The following TRIM35 variants were observed in gnomAD, a reference collection of about 807,000 sequenced individuals.
TRIM35 encodes the protein tripartite motif containing 35.
Under a neutral mutation model 49.1 loss-of-function variants are expected in TRIM35, and 37 were observed. The observed-to-expected ratio is 0.75, with a 90% confidence interval of 0.58 to 0.99. TRIM35 has a LOEUF of 0.99. Among genes scored for constraint, TRIM35 ranks in the 50% least tolerant of loss-of-function variants. The pLI is 0.00. For synonymous variants in TRIM35, 302 were observed against 289.3 expected (o/e 1.04, Z -0.45); for missense variants, 648 against 702.7 (o/e 0.92, Z 0.88).
chr8:27,298,765 G>A (rs1802624893), intron 1 of TRIM35, among the ~76,000 whole-genome samples: 1 of 152,230 alleles, frequency 6.6e-6, no homozygotes. Flanking sequence ...ATGGGATAAA[G>A]AGCCCTCAGA....
At chr8:27,295,474 A>G (rs1190327584) in intron 2 of TRIM35, among the ~76,000 whole-genome samples, 1 of 152,228 alleles carries the variant, frequency 6.6e-6, no homozygotes, top group Non-Finnish European at 1.5e-5. Context: ...ACCCATCATA[A>G]GTTGAAAAAT....
chr8:27,303,348 T>C (rs1435273116), intron 1 of TRIM35, among the ~76,000 whole-genome samples: 1 of 152,196 alleles, frequency 6.6e-6, no homozygotes, highest in African/African-American at 2.4e-5. Flanking sequence ...TTCCTTTCCT[T>C]TTTTAAAATT....
chr8:27,306,374 G>A (rs1802786090), intron 1 of TRIM35, among the ~76,000 whole-genome samples: 1 of 144,274 alleles, frequency 6.9e-6, no homozygotes, highest in Non-Finnish European at 1.5e-5. Flanking sequence ...CGTACAGGCT[G>A]GAGGGCAGTG....
At position 27,289,295 on chromosome 8, in the gene TRIM35, TG is replaced by T; in HGVS notation, c.786-16del. 6.2e-7 allele frequency: 1 copy of T among 1,609,136 alleles called. No individual in the cohort carries two copies. The highest frequency in any genetic ancestry group is 8.5e-7 in the Non-Finnish European group (1 of 1,175,738). On this transcript the variant is annotated splice_polypyrimidine_tract_variant and intron_variant, in intron 4 of 5. Transcript: ENST00000305364. The stretch of plus-strand genomic sequence containing the variant: ...TGCAGAAGAGTCTGGAAAAGTACAA[TG>T]GGTATGGTGGGCAGGGCCAGAGCCA...
At chr8:27,294,676 A>AT (rs373275301) in intron 2 of TRIM35, among the ~76,000 whole-genome samples, 23 of 149,858 alleles carry the variant, frequency 1.5e-4, no homozygotes, top group African/African-American at 4.6e-4. Context: ...AATAGCAATG[A>AT]TTTTTTTTTA....
At position 27,310,922 on chromosome 8, in the gene TRIM35, C is replaced by T; in HGVS notation, c.314G>A (p.Arg105His). 1 of 1,612,578 alleles carries T rather than the reference C, an allele frequency of 6.2e-7. No individual in the cohort carries two copies. The highest frequency in any genetic ancestry group is 8.5e-7 in the Non-Finnish European group (1 of 1,179,784). ...YRFSRVCRLH[R>H]GQLSLFCLED... ...GAGGCAGAAGAGGCTGAGCTGTCCG[C>T]GGTGCAGGCGGCAGACACGCGAGAA... is the stretch of plus-strand genomic sequence containing the variant. Residue 105 changes from arginine (R) to histidine (H), a missense_variant, in exon 1 of 6, where the codon CGC (arginine) becomes CAC (histidine). By Grantham distance (29) the Arg-to-His change is conservative. Coordinates refer to ENST00000305364, the MANE Select transcript of TRIM35 (RefSeq NM_171982.5).
chr8:27,305,396 G>A (rs762817738), intron 1 of TRIM35, among the ~76,000 whole-genome samples: 18 of 152,304 alleles, frequency 1.2e-4, no homozygotes, highest in South Asian at 8.3e-4. Flanking sequence ...CAGTGTGCAG[G>A]GTCTAGTGAG....
intron 1 of TRIM35, among the ~76,000 whole-genome samples, chr8:27,305,211 C>T (rs568712117): frequency 6.6e-6 from 1 of 152,256 alleles, no homozygotes; most frequent in Non-Finnish European, 1.5e-5. Context: ...GGTAACCTAA[C>T]TGTCCTGCTG....
chr8:27,306,130 AT>A (rs1172364497), intron 1 of TRIM35, among the ~76,000 whole-genome samples: 2 of 151,754 alleles, frequency 1.3e-5, no homozygotes, highest in African/African-American at 4.8e-5. Flanking sequence ...CATTACTTAG[AT>A]GTAACCACCT....
In TRIM35 at chr8:27,306,484, C is replaced by T. The variant is rs369145950; in HGVS notation, c.435+4317G>A. ...GGGACTACAGGTACCTGCCACCATGCCTGGTTAATTTTTGCATTTTTAGTA... is the reference window on the plus strand; with the variant it reads ...GGGACTACAGGTACCTGCCACCATGTCTGGTTAATTTTTGCATTTTTAGTA... On this transcript the variant is annotated intron_variant, in intron 1 of 5. Transcript: ENST00000305364. 2.3e-4 allele frequency among the ~76,000 whole-genome samples: 35 copies of T among 152,204 alleles called. No homozygotes were observed. The South Asian group carries it at 4.8e-3, about 21-fold the overall frequency.
chr8:27,288,156 A>G lies in TRIM35; in HGVS notation c.905-29T>C, dbSNP rs568210765. On this transcript the variant is annotated intron_variant, in intron 5 of 5. Coordinates refer to ENST00000305364, the MANE Select transcript of TRIM35 (RefSeq NM_171982.5). ...CAAGCAGAGGCGGAAATGGGGAATC[A>G]GCAAACCTGAGGTCCCTTAGGCCAC... 7 of 1,577,416 alleles carry G rather than the reference A, an allele frequency of 4.4e-6. No homozygotes were observed. The East Asian group carries it at 1.1e-4, about 25-fold the overall frequency.
intron 3 of TRIM35, among the ~76,000 whole-genome samples, chr8:27,292,630 A>G (rs1802478101): frequency 6.6e-6 from 1 of 152,240 alleles, no homozygotes; most frequent in African/African-American, 2.4e-5. Flanking sequence ...AGTGGTTGCC[A>G]GGGGCTGCTA....
At chr8:27,288,540 G>T (rs1364966974) in intron 5 of TRIM35, among the ~76,000 whole-genome samples, 1 of 152,144 alleles carries the variant, frequency 6.6e-6, no homozygotes, top group African/African-American at 2.4e-5. Flanking sequence ...GAGACACCAG[G>T]AGACGGAAGA....
At chr8:27,308,482 C>A (rs949614182) in intron 1 of TRIM35, among the ~76,000 whole-genome samples, 1 of 152,226 alleles carries the variant, frequency 6.6e-6, no homozygotes, top group African/African-American at 2.4e-5. Context: ...AAAACCCCCT[C>A]AGTGAGGCAC....
At position 27,286,139 on chromosome 8, in the gene TRIM35, T is replaced by A. The variant is rs1457464129; in HGVS notation, c.*1411A>T. 1 of 455,918 alleles carries A rather than the reference T, an allele frequency of 2.2e-6. No homozygotes were observed. Among genetic ancestry groups the A allele is most frequent in the Non-Finnish European group, 4.4e-6 (1 of 226,902 alleles). The allele number at this position is 455,918 out of a possible 1,614,324, so 28.2% of individuals were successfully genotyped here. A position where few individuals can be genotyped will look rare whatever the true frequency, so the allele number is the denominator to read the frequency against. On this transcript the variant is annotated 3_prime_UTR_variant, in exon 6 of 6. Transcript: ENST00000305364. ...GTGACCCAGATTTTAACACTGCTCC[T>A]AGGAAAAAAAAATATTTCCTTTTAT...
chr8:27,295,510 C>T (rs1398355052), intron 2 of TRIM35, among the ~76,000 whole-genome samples: 1 of 152,194 alleles, frequency 6.6e-6, no homozygotes, highest in Non-Finnish European at 1.5e-5. Flanking sequence ...ATGAATACAC[C>T]TAACCTACTA....
intron 3 of TRIM35, among the ~76,000 whole-genome samples, chr8:27,293,403 CCTTTT>C (rs1311687592): frequency 2.0e-5 from 3 of 151,716 alleles, no homozygotes; most frequent in Non-Finnish European, 4.4e-5. Context: ...ATGGAATCAT[CCTTTT>C]CTTAAGAAGA....
chr8:27,304,626 G>T, intron 1 of TRIM35: 1 of 345,236 alleles, frequency 2.9e-6, no homozygotes, highest in Admixed American at 4.3e-5. Context: ...TCTGCAGAAG[G>T]AATGCTTGCT....
intron 4 of TRIM35, among the ~76,000 whole-genome samples, chr8:27,289,731 A>C (rs896385137): frequency 6.6e-6 from 1 of 152,160 alleles, no homozygotes; most frequent in African/African-American, 2.4e-5. Flanking sequence ...CCATCTTTGC[A>C]CAGCTCTGAC....
Sources: allele counts gnomAD v4.1 joint callset (sites outside exome capture counted in the v4.1 genomes callset), GRCh38; gene constraint gnomAD v4.1.1; transcripts MANE v1.5; gene names NCBI Gene and HGNC (gene_info 2026-07-23, HGNC 2026-07-21).